ZFPM1: variants seen among roughly 807,000 people sequenced by gnomAD.
ZFPM1 encodes zinc finger protein ZFPM1.
In ZFPM1, 28 loss-of-function variants were observed where a neutral mutation model predicts 46.3. The observed-to-expected ratio is 0.60, with a 90% CI of 0.45 to 0.83. The LOEUF (loss-of-function observed/expected upper bound fraction) is 0.83, where lower values mean the gene tolerates loss of function less well. Among genes scored for constraint, ZFPM1 ranks in the 40% least tolerant of loss-of-function variants. The probability of loss-of-function intolerance (pLI) is 0.00; values close to 1 mark genes in which losing one functional copy is unlikely to be tolerated. For synonymous variants in ZFPM1, 957 were observed against 675.9 expected (o/e 1.42, Z -6.45); for missense variants, 1,878 against 1,432.4 (o/e 1.31, Z -5.02).
At chr16:88,505,489 C>T (rs1910598492) in intron 3 of ZFPM1, among the ~76,000 whole-genome samples, 1 of 152,208 alleles carries the variant, frequency 6.6e-6, no homozygotes, top group Non-Finnish European at 1.5e-5. Flanking sequence ...GAAATCAAGA[C>T]CTCTGCCCCC....
In ZFPM1 at chr16:88,534,600, T is replaced by C; in HGVS notation, c.2642T>C (p.Leu881Pro). 2 of 1,222,622 alleles carry C rather than the reference T, an allele frequency of 1.6e-6. No individual in the cohort carries two copies. The highest frequency in any genetic ancestry group is 6.6e-4 in the Middle Eastern group (2 of 3,024). The allele number at this position is 1,222,622 out of a possible 1,614,324, so 75.7% of individuals were successfully genotyped here. ...TTCCGCCTGGCGCACGGCCTGCTGC[T>C]CGGCGCGCCCCTGGCCGGCCCGGGG... ...EHFRLAHGLL[L>P]GAPLAGPGVE... The change falls in exon 10 of 10, where the codon CTC becomes CCC. Residue 881 changes from leucine (L) to proline (P), a missense_variant. Leu to Pro is a moderately conservative substitution (Grantham distance 98). Coordinates refer to ENST00000319555, the MANE Select transcript of ZFPM1 (RefSeq NM_153813.3).
At chr16:88,460,698 A>G (rs1013293844) in intron 1 of ZFPM1, among the ~76,000 whole-genome samples, 1 of 152,216 alleles carries the variant, frequency 6.6e-6, no homozygotes, top group Non-Finnish European at 1.5e-5. Context: ...GGTCCCTCCT[A>G]TCCGAGCTGT....
At chr16:88,501,669 A>G (rs113532046) in intron 3 of ZFPM1, among the ~76,000 whole-genome samples, 1,179 of 101,234 alleles carry the variant, frequency 0.012, 153 homozygotes, top group African/African-American at 0.05. Flanking sequence ...TGGTGATGAT[A>G]GAGATAGCGG....
At chr16:88,524,875 G>A (rs1214514861) in intron 4 of ZFPM1, among the ~76,000 whole-genome samples, 4 of 152,226 alleles carry the variant, frequency 2.6e-5, no homozygotes, top group African/African-American at 9.6e-5. Flanking sequence ...CTGAGCCAGG[G>A]GTTGGGGTGG....
chr16:88,531,224 T>C (rs1175990115), intron 6 of ZFPM1, among the ~76,000 whole-genome samples: 1 of 152,148 alleles, frequency 6.6e-6, no homozygotes, highest in Non-Finnish European at 1.5e-5. Flanking sequence ...CAAGGGGCCA[T>C]GGGCAGATGG....
At chr16:88,477,690 G>A (rs183675071) in intron 1 of ZFPM1, among the ~76,000 whole-genome samples, 57 of 152,294 alleles carry the variant, frequency 3.7e-4, no homozygotes, top group East Asian at 3.3e-3. Context: ...GCAAGACCCC[G>A]TCTCAAAAAA....
chr16:88,534,290 G>GGCCCCGGCCTC lies in ZFPM1; in HGVS notation c.2338_2348dup (p.Arg785SerfsTer17). The GGCCCCGGCCTC allele has an allele frequency of 8.5e-7, 1 of 1,180,638 alleles. No homozygotes were observed. 73.1% of individuals were successfully genotyped at this position (1,180,638 alleles called of 1,614,324 possible). A position where few individuals can be genotyped will look rare whatever the true frequency, so the allele number is the denominator to read the frequency against. ...GCGGCCCGGAAGCGGAAGCGGAAGC[G>GGCCCCGGCCTC]GCCCCGGCCTCGCCCCTGCGCGCTC... On this transcript the variant is annotated frameshift_variant, in exon 10 of 10. Coordinates refer to ENST00000319555, the MANE Select transcript of ZFPM1 (RefSeq NM_153813.3). LOFTEE classifies it low-confidence loss of function (END_TRUNC).
At chr16:88,504,914 C>A (rs1910565972) in intron 3 of ZFPM1, among the ~76,000 whole-genome samples, 1 of 152,114 alleles carries the variant, frequency 6.6e-6, no homozygotes, top group Non-Finnish European at 1.5e-5. Flanking sequence ...CCTGCAGGTG[C>A]GAGGGCCCCC....
chr16:88,508,554 A>G (rs1420845915), intron 3 of ZFPM1, among the ~76,000 whole-genome samples: 2 of 151,996 alleles, frequency 1.3e-5, no homozygotes, highest in Middle Eastern at 3.2e-3. Context: ...CCCGACGCTC[A>G]CTCTGAACCT....
At chr16:88,516,139 TAAGTC>T (rs1348725222) in intron 4 of ZFPM1, 5 of 398,400 alleles carry the variant, frequency 1.3e-5, no homozygotes, top group Non-Finnish European at 1.8e-5. Flanking sequence ...TCCAAGATGT[TAAGTC>T]AATTGCCCAA....
At chr16:88,462,615 G>A (rs1002311066) in intron 1 of ZFPM1, among the ~76,000 whole-genome samples, 3 of 152,208 alleles carry the variant, frequency 2.0e-5, no homozygotes, top group Admixed American at 2.0e-4. Context: ...GGCAGCCACC[G>A]CGGGCTTCCG....
Position 88,486,030 on chromosome 16 carries a change from C to T in ZFPM1, c.132C>T (p.Ser44=). ...EQKATAPEAP[S]PPSADVNSPP... ...AGGCCACGGCACCTGAAGCCCCGAGCCCTCCCAGCGCAGGTGAGTCAGACT... is the reference window on the plus strand; with the variant it reads ...AGGCCACGGCACCTGAAGCCCCGAGTCCTCCCAGCGCAGGTGAGTCAGACT... The change falls in exon 2 of 10, where the codon AGC becomes AGT. Residue 44 remains serine, a synonymous_variant. Coordinates refer to ENST00000319555, the MANE Select transcript of ZFPM1 (RefSeq NM_153813.3). 2 of 1,612,066 alleles carry T rather than the reference C, an allele frequency of 1.2e-6. No individual in the cohort carries two copies. Among genetic ancestry groups the T allele is most frequent in the Non-Finnish European group, 1.7e-6 (2 of 1,179,676 alleles).
intron 1 of ZFPM1, among the ~76,000 whole-genome samples, chr16:88,478,311 C>T (rs936505826): frequency 2.6e-5 from 4 of 152,254 alleles, no homozygotes; most frequent in African/African-American, 9.6e-5. Context: ...TTTGTGGTTG[C>T]CCTGGCTGAC....
In ZFPM1 at chr16:88,534,845, G is replaced by T; in HGVS notation, c.2887G>T (p.Gly963Cys). ...CAAGGGCGTCCAGACTCCCAGCAAGGGCACGCCGGCGCCGCTGCCCAACGG... is the reference window on the plus strand; with the variant it reads ...CAAGGGCGTCCAGACTCCCAGCAAGTGCACGCCGGCGCCGCTGCCCAACGG... ...SDKGVQTPSK[G>C]TPAPLPNGNH... The change falls in exon 10 of 10, where the codon GGC becomes TGC. Residue 963 changes from glycine to cysteine, a missense_variant. Coordinates refer to ENST00000319555, the MANE Select transcript of ZFPM1 (RefSeq NM_153813.3). 1 of 1,558,512 alleles carries T rather than the reference G, an allele frequency of 6.4e-7. No homozygotes were observed. The highest frequency in any genetic ancestry group is 1.2e-5 in the South Asian group (1 of 86,596).
chr16:88,478,497 G>A (rs945212703), intron 1 of ZFPM1, among the ~76,000 whole-genome samples: 3 of 152,258 alleles, frequency 2.0e-5, no homozygotes, highest in African/African-American at 7.2e-5. Flanking sequence ...CCTGGTGCCG[G>A]CATCCCTGTA....
intron 1 of ZFPM1, among the ~76,000 whole-genome samples, chr16:88,465,962 C>T (rs528068307): frequency 1.3e-5 from 2 of 152,138 alleles, no homozygotes; most frequent in East Asian, 1.9e-4. Flanking sequence ...AGGGGCCCGC[C>T]GTGCACGGGG....
chr16:88,459,056 C>T (rs562315676), intron 1 of ZFPM1, among the ~76,000 whole-genome samples: 3 of 152,346 alleles, frequency 2.0e-5, no homozygotes, highest in South Asian at 4.1e-4. Flanking sequence ...CTGAGCCCCT[C>T]GTTAGGGCCT....
At position 88,533,806 on chromosome 16, in the gene ZFPM1, G is replaced by GGCGCCCCCCGGCCCGGCCCGC. The variant is rs763075034; in HGVS notation, c.1862_1882dup (p.Pro621_Gly627dup). The GGCGCCCCCCGGCCCGGCCCGC allele has an allele frequency of 3.9e-5, 43 of 1,105,812 alleles. No homozygotes were observed. Among genetic ancestry groups the GGCGCCCCCCGGCCCGGCCCGC allele is most frequent in the Admixed American group, 5.4e-5 (1 of 18,382 alleles). The allele number at this position is 1,105,812 out of a possible 1,614,324, so 68.5% of individuals were successfully genotyped here. A position where few individuals can be genotyped will look rare whatever the true frequency, so the allele number is the denominator to read the frequency against. On this transcript the variant is annotated inframe_insertion, in exon 10 of 10. Coordinates refer to ENST00000319555, the MANE Select transcript of ZFPM1 (RefSeq NM_153813.3). The stretch of plus-strand genomic sequence containing the variant: ...ACGCGCCTGCCGCGCGCAGGCCCAA[G>GGCGCCCCCCGGCCCGGCCCGC]GCGCCCCCCGGCCCGGCCCGCGCGC...
chr16:88,502,989 C>T (rs1198784905), intron 3 of ZFPM1, among the ~76,000 whole-genome samples: 1 of 152,240 alleles, frequency 6.6e-6, no homozygotes, highest in East Asian at 1.9e-4. Context: ...CCATGAAGGC[C>T]CCTCAGGGCT....
Sources: gnomAD v4.1 joint callset for allele counts (sites outside exome capture counted in the v4.1 genomes callset) on GRCh38, gnomAD v4.1.1 for gene constraint, MANE v1.5 for transcripts, NCBI Gene and HGNC (gene_info 2026-07-23, HGNC 2026-07-21) for gene names.